The following PALM2AKAP2 variants were observed in gnomAD, a reference collection of about 807,000 sequenced individuals.
PALM2AKAP2 encodes the protein PALM2 and AKAP2 fusion, also known as PALM2-AKAP2 fusion protein.
Under a neutral mutation model 71.5 loss-of-function variants are expected in PALM2AKAP2, and 37 were observed. That is an observed-to-expected ratio of 0.52 (90% CI 0.40 to 0.68). The LOEUF (loss-of-function observed/expected upper bound fraction) is 0.68, where lower values mean the gene tolerates loss of function less well. PALM2AKAP2 is among the 30% of genes least tolerant of loss of function. The pLI, the probability that PALM2AKAP2 is intolerant of heterozygous loss-of-function variation, is 0.00. For synonymous variants in PALM2AKAP2, 468 were observed against 478.8 expected (o/e 0.98, Z 0.29); for missense variants, 1,224 against 1,191.8 (o/e 1.03, Z -0.40).
At chr9:109,833,847 T>G (rs971344530) in intron 1 of PALM2AKAP2, among the ~76,000 whole-genome samples, 1 of 152,212 alleles carries the variant, frequency 6.6e-6, no homozygotes, top group Non-Finnish European at 1.5e-5. Flanking sequence ...GGTTTAGGTC[T>G]TTCTCCTCAG....
At chr9:109,942,130 C>T (rs1269088460) in intron 6 of PALM2AKAP2, among the ~76,000 whole-genome samples, 2 of 152,146 alleles carry the variant, frequency 1.3e-5, no homozygotes, top group African/African-American at 4.8e-5. Context: ...ACTCACAGGG[C>T]ACATAATATG....
chr9:109,877,256 A>G (rs1256493738), intron 2 of PALM2AKAP2, among the ~76,000 whole-genome samples: 6 of 151,976 alleles, frequency 3.9e-5, no homozygotes, highest in Non-Finnish European at 5.9e-5. Flanking sequence ...CTCCCAAATA[A>G]TTAGAGAGAA....
At chr9:109,946,561 C>G (rs7859308) in intron 6 of PALM2AKAP2, 1 of 151,340 alleles carries the variant, frequency 6.6e-6, no homozygotes, top group African/African-American at 2.4e-5. Context: ...GGCGTGATGG[C>G]GCATGCCTGT....
intron 1 of PALM2AKAP2, among the ~76,000 whole-genome samples, chr9:109,792,912 T>C (rs895403605): frequency 6.6e-6 from 1 of 152,206 alleles, no homozygotes; most frequent in Non-Finnish European, 1.5e-5. Flanking sequence ...GGACATTCCA[T>C]ATTTTATCTG....
chr9:109,788,446 G>A (rs1475498766), intron 1 of PALM2AKAP2, among the ~76,000 whole-genome samples: 1 of 152,190 alleles, frequency 6.6e-6, no homozygotes. Flanking sequence ...TAGTGCATTA[G>A]GATCACCTGG....
At chr9:110,016,031 A>G in exon 7 of PALM2AKAP2, 1 of 1,613,556 alleles carries the variant, frequency 6.2e-7, no homozygotes, top group Non-Finnish European at 8.5e-7. Flanking sequence ...CCCAGACATG[A>G]CTATCAAGGT....
At chr9:110,153,873 A>G (rs1836381669) in intron 2 of PALM2AKAP2, among the ~76,000 whole-genome samples, 1 of 152,244 alleles carries the variant, frequency 6.6e-6, no homozygotes, top group Non-Finnish European at 1.5e-5. Flanking sequence ...AAATATAAAC[A>G]GGAGTTCCAC....
At chr9:110,014,806 G>GT (rs1832948546) in intron 6 of PALM2AKAP2, among the ~76,000 whole-genome samples, 2 of 41,548 alleles carry the variant, frequency 4.8e-5, no homozygotes, top group Non-Finnish European at 7.2e-5. Flanking sequence ...AAAAAAAAAT[G>GT]TATATATATA....
intron 6 of PALM2AKAP2, among the ~76,000 whole-genome samples, chr9:110,006,013 G>T (rs985037676): frequency 2.0e-5 from 3 of 152,058 alleles, no homozygotes; most frequent in Admixed American, 2.0e-4. Context: ...GCTCATGCTT[G>T]GTGTGCTGCA....
At chr9:110,002,450 T>C (rs1832698856) in intron 6 of PALM2AKAP2, among the ~76,000 whole-genome samples, 1 of 151,786 alleles carries the variant, frequency 6.6e-6, no homozygotes, top group African/African-American at 2.4e-5. Context: ...CTATTGAGGA[T>C]TTTTGCATCG....
chr9:109,661,567 C>A (rs1211689598), intron 1 of PALM2AKAP2, among the ~76,000 whole-genome samples: 1 of 152,122 alleles, frequency 6.6e-6, no homozygotes, highest in Non-Finnish European at 1.5e-5. Flanking sequence ...GTTACTGCAG[C>A]CTTGTAGTAT....
chr9:110,109,908 AGATCAGTATGTTGGAGAGAGG>A (rs1835207535), intron 1 of PALM2AKAP2, among the ~76,000 whole-genome samples: 1 of 152,200 alleles, frequency 6.6e-6, no homozygotes, highest in Non-Finnish European at 1.5e-5. Context: ...AAAGGAAATG[AGATCAGTATGTTGGAGAGAGG>A]GACTGGCTGG....
intron 1 of PALM2AKAP2, among the ~76,000 whole-genome samples, chr9:109,738,973 G>C (rs1160147685): frequency 1.3e-5 from 2 of 152,192 alleles, no homozygotes; most frequent in African/African-American, 2.4e-5. Context: ...TTGGCTCTTG[G>C]TTGGCATTCA....
intron 1 of PALM2AKAP2, among the ~76,000 whole-genome samples, chr9:109,830,174 CT>C (rs1271245638): frequency 6.6e-6 from 1 of 152,152 alleles, no homozygotes; most frequent in East Asian, 1.9e-4. Flanking sequence ...TGCATGGACT[CT>C]TTGTGAGACA....
chr9:109,849,192 C>T (rs1462445192), intron 1 of PALM2AKAP2, among the ~76,000 whole-genome samples: 1 of 152,134 alleles, frequency 6.6e-6, no homozygotes, highest in East Asian at 1.9e-4. Flanking sequence ...TAGTGATTAC[C>T]TGTGGCACTG....
chr9:110,078,779 C>T (rs75283952), intron 1 of PALM2AKAP2, among the ~76,000 whole-genome samples: 2,032 of 152,248 alleles, frequency 0.013, 39 homozygotes, highest in African/African-American at 0.047. Context: ...AAGTAAACAA[C>T]CTCCCTTTGT....
chr9:109,931,400 G>C (rs1272434234), intron 5 of PALM2AKAP2, among the ~76,000 whole-genome samples: 1 of 152,154 alleles, frequency 6.6e-6, no homozygotes, highest in Non-Finnish European at 1.5e-5. Flanking sequence ...TCTGAAGTCT[G>C]TTTATTTGTT....
At chr9:110,000,655 T>C (rs1286806993) in intron 6 of PALM2AKAP2, among the ~76,000 whole-genome samples, 3 of 152,272 alleles carry the variant, frequency 2.0e-5, no homozygotes, top group East Asian at 3.9e-4. Flanking sequence ...CCTATTTCTC[T>C]ACATCCTCTC....
At chr9:110,136,757 A>G in exon 2 of PALM2AKAP2, 2 of 1,614,164 alleles carry the variant, frequency 1.2e-6, no homozygotes, top group Non-Finnish European at 1.7e-6. Flanking sequence ...CACCACACTG[A>G]AAAAGGAGGC....
Sources: allele counts gnomAD v4.1 joint callset (sites outside exome capture counted in the v4.1 genomes callset), GRCh38; gene constraint gnomAD v4.1.1; transcripts MANE v1.5; gene names NCBI Gene and HGNC (gene_info 2026-07-23, HGNC 2026-07-21).